Variants in PAQR8 observed in about 807,000 individuals in gnomAD.
The protein encoded by PAQR8 is membrane progestin receptor beta.
In PAQR8, 17 loss-of-function variants were observed where a neutral mutation model predicts 25.2. The ratio of observed to expected loss-of-function variants is 0.67; its 90% CI spans 0.46 to 1.01. The LOEUF is 1.01. Among genes scored for constraint, PAQR8 ranks in the 50% least tolerant of loss-of-function variants. The probability of loss-of-function intolerance (pLI) is 0.00; values close to 1 mark genes in which losing one functional copy is unlikely to be tolerated. For synonymous variants in PAQR8, 204 were observed against 190.6 expected (o/e 1.07, Z -0.58); for missense variants, 392 against 448.4 (o/e 0.87, Z 1.14).
At chr6:52,400,273 C>G (rs1423625023) in intron 1 of PAQR8, among the ~76,000 whole-genome samples, 2 of 152,192 alleles carry the variant, frequency 1.3e-5, no homozygotes, top group African/African-American at 4.8e-5. Flanking sequence ...ATGGAGGGGA[C>G]ATTAGGCCCT....
chr6:52,396,016 T>G (rs1338684038), intron 1 of PAQR8, among the ~76,000 whole-genome samples: 1 of 152,244 alleles, frequency 6.6e-6, no homozygotes, highest in East Asian at 1.9e-4. Context: ...AGCCTGGGCC[T>G]AAAGAACTGT....
intron 1 of PAQR8, among the ~76,000 whole-genome samples, chr6:52,396,340 G>A (rs1272611497): frequency 6.6e-6 from 1 of 152,158 alleles, no homozygotes; most frequent in Non-Finnish European, 1.5e-5. Context: ...TGCATGCATG[G>A]GAGATAGAGT....
intron 1 of PAQR8, among the ~76,000 whole-genome samples, chr6:52,363,735 G>T (rs967271369): frequency 6.6e-6 from 1 of 152,176 alleles, no homozygotes; most frequent in Non-Finnish European, 1.5e-5. Flanking sequence ...TGACTGCCCT[G>T]TTAAGGTTAT....
At chr6:52,391,838 C>A (rs1763712660) in intron 1 of PAQR8, among the ~76,000 whole-genome samples, 1 of 152,152 alleles carries the variant, frequency 6.6e-6, no homozygotes. Flanking sequence ...GCTCATTTGT[C>A]CTCTATCCAA....
At chr6:52,383,699 T>G (rs1398240820) in intron 1 of PAQR8, among the ~76,000 whole-genome samples, 2 of 151,764 alleles carry the variant, frequency 1.3e-5, no homozygotes, top group Admixed American at 1.3e-4. Flanking sequence ...ATGACAGTAC[T>G]TATCCTTAAT....
Position 52,406,395 on chromosome 6 carries a change from A to G in PAQR8, c.*2117A>G. 2.4e-6 allele frequency: 1 copy of G among 411,824 alleles called. No individual in the cohort carries two copies. The highest frequency in any genetic ancestry group is 4.4e-6 in the Non-Finnish European group (1 of 225,120). 25.5% of individuals were successfully genotyped at this position (411,824 alleles called of 1,614,324 possible). On this transcript the variant is annotated 3_prime_UTR_variant, in exon 2 of 2. Transcript: ENST00000442253. The stretch of plus-strand genomic sequence containing the variant: ...TTAGTTCAAATCCACGTATTTTTTA[A>G]AAGAGAGAACCGGAGGTAGAGCAAT...
intron 1 of PAQR8, among the ~76,000 whole-genome samples, chr6:52,384,008 A>C (rs1763599114): frequency 6.6e-6 from 1 of 152,208 alleles, no homozygotes; most frequent in Non-Finnish European, 1.5e-5. Context: ...ATGGGTCTGC[A>C]GGGGAAGTGA....
intron 1 of PAQR8, among the ~76,000 whole-genome samples, chr6:52,371,554 T>A (rs2113935115): frequency 6.6e-6 from 1 of 152,308 alleles, no homozygotes; most frequent in Non-Finnish European, 1.5e-5. Flanking sequence ...TGAACACAGC[T>A]GCATCAAAAT....
At chr6:52,372,609 TTCTC>T (rs901440550) in intron 1 of PAQR8, among the ~76,000 whole-genome samples, 2 of 151,824 alleles carry the variant, frequency 1.3e-5, no homozygotes, top group African/African-American at 2.4e-5. Flanking sequence ...CTCTCTTTCT[TTCTC>T]TCTCTCTCTT....
At chr6:52,382,835 C>T (rs1763577550) in intron 1 of PAQR8, among the ~76,000 whole-genome samples, 1 of 152,102 alleles carries the variant, frequency 6.6e-6, no homozygotes, top group African/African-American at 2.4e-5. Flanking sequence ...CACTCTGTCA[C>T]CCAGACTAGA....
chr6:52,393,333 C>CTTTTTTTT (rs35079265), intron 1 of PAQR8, among the ~76,000 whole-genome samples: 12 of 111,176 alleles, frequency 1.1e-4, no homozygotes, highest in South Asian at 3.1e-4. Flanking sequence ...CTTTCTCTCT[C>CTTTTTTTT]TTTTTTTTTT....
In PAQR8 at chr6:52,404,676, T is replaced by C. The variant is rs540857197; in HGVS notation, c.*398T>C. ...GTGGCTGGTCCTCACCCTGTTGGAATGGCTATCCTACTATGCTGTTCTTTG... is the reference window on the plus strand; with the variant it reads ...GTGGCTGGTCCTCACCCTGTTGGAACGGCTATCCTACTATGCTGTTCTTTG... On this transcript the variant is annotated 3_prime_UTR_variant, in exon 2 of 2. Transcript: ENST00000442253. 2.7e-4 allele frequency: 52 copies of C among 192,314 alleles called. No homozygotes were observed. Among genetic ancestry groups the C allele is most frequent in the African/African-American group, 1.2e-3 (51 of 42,254 alleles). The allele number at this position is 192,314 out of a possible 1,614,324, so 11.9% of individuals were successfully genotyped here. A position where few individuals can be genotyped will look rare whatever the true frequency, so the allele number is the denominator to read the frequency against.
At chr6:52,363,047 C>T (rs927017217) in intron 1 of PAQR8, among the ~76,000 whole-genome samples, 1 of 151,988 alleles carries the variant, frequency 6.6e-6, no homozygotes, top group Non-Finnish European at 1.5e-5. Flanking sequence ...AACGCAGCGC[C>T]CTCGGTGGAA....
At chr6:52,393,583 G>A (rs1423242980) in intron 1 of PAQR8, among the ~76,000 whole-genome samples, 2 of 151,974 alleles carry the variant, frequency 1.3e-5, no homozygotes, top group East Asian at 1.9e-4. Flanking sequence ...CTCCCCGTTC[G>A]GCTTCCCAAA....
intron 1 of PAQR8, among the ~76,000 whole-genome samples, chr6:52,382,624 C>A (rs1433737262): frequency 6.6e-6 from 1 of 152,008 alleles, no homozygotes; most frequent in Non-Finnish European, 1.5e-5. Context: ...CCAAAAAAAT[C>A]TTATTTATAA....
chr6:52,373,021 A>G (rs1327198164), intron 1 of PAQR8, among the ~76,000 whole-genome samples: 2 of 152,188 alleles, frequency 1.3e-5, no homozygotes, highest in Admixed American at 6.5e-5. Flanking sequence ...TCCAAAGCCC[A>G]TCTTGTTTAC....
At chr6:52,375,005 A>T (rs1360278224) in intron 1 of PAQR8, among the ~76,000 whole-genome samples, 1 of 151,516 alleles carries the variant, frequency 6.6e-6, no homozygotes, top group Admixed American at 6.6e-5. Context: ...AATGTATTTT[A>T]TTTAAAGATA....
chr6:52,362,857 G>T lies in PAQR8; in HGVS notation c.-53+608G>T, dbSNP rs571199916. Among the ~76,000 whole-genome samples, 5 of 152,292 alleles carry T rather than the reference G, an allele frequency of 3.3e-5. No individual in the cohort carries two copies. The South Asian group carries it at 1.0e-3, about 32-fold the overall frequency. The stretch of plus-strand genomic sequence containing the variant: ...GTGGGTCTAGGCATGTGCTTTCGCC[G>T]GGGAAAGATGGAGGGGGCTTCTCTG... On this transcript the variant is annotated intron_variant, in intron 1 of 1. Coordinates refer to ENST00000442253, the MANE Select transcript of PAQR8 (RefSeq NM_133367.5). This position sits in a 1 kb window ranked among gnomAD's most constrained non-coding sequence, Gnocchi z 4.1.
intron 1 of PAQR8, among the ~76,000 whole-genome samples, chr6:52,384,237 A>G (rs1763602701): frequency 6.6e-6 from 1 of 152,238 alleles, no homozygotes; most frequent in Non-Finnish European, 1.5e-5. Flanking sequence ...GGGGACATCT[A>G]CACATACGTA....
Sources: gnomAD v4.1 joint callset for allele counts (sites outside exome capture counted in the v4.1 genomes callset) on GRCh38, gnomAD v4.1.1 for gene constraint, Gnocchi (gnomAD v3.1) non-coding constraint, MANE v1.5 for transcripts, NCBI Gene and HGNC (gene_info 2026-07-23, HGNC 2026-07-21) for gene names.